Variants in AGO3 observed in about 807,000 individuals in gnomAD.
AGO3 encodes the protein argonaute RISC catalytic component 3.
In AGO3, 16 loss-of-function variants were observed where a neutral mutation model predicts 105.5. That is an observed-to-expected ratio of 0.15 (90% CI 0.10 to 0.23). The LOEUF is 0.23. Among genes scored for constraint, AGO3 ranks in the 10% least tolerant of loss-of-function variants. The pLI, the probability that AGO3 is intolerant of heterozygous loss-of-function variation, is 1.00. For missense variants in AGO3, 534 were observed against 1,088.0 expected, an observed-to-expected ratio of 0.49 and a Z score of 7.16; for synonymous variants, 340 against 367.3, an observed-to-expected ratio of 0.93 and a Z score of 0.85.
chr1:35,948,088 T>A (rs1158418616), intron 2 of AGO3, among the ~76,000 whole-genome samples: 1 of 151,624 alleles, frequency 6.6e-6, no homozygotes, highest in African/African-American at 2.4e-5. Context: ...TAAATAAAAA[T>A]AAAAAGGCAT....
chr1:35,969,173 C>G (rs1006793778), intron 3 of AGO3, among the ~76,000 whole-genome samples: 1 of 151,830 alleles, frequency 6.6e-6, no homozygotes, highest in Non-Finnish European at 1.5e-5. Context: ...CTAAACTGAT[C>G]AATACCATTG....
intron 5 of AGO3, among the ~76,000 whole-genome samples, chr1:35,990,257 C>T (rs1470975351): frequency 6.6e-6 from 1 of 152,036 alleles, no homozygotes; most frequent in African/African-American, 2.4e-5. Context: ...GCCTGTAATC[C>T]CAGCACTTTG....
Position 36,008,765 on chromosome 1 carries a change from C to T in AGO3, c.869C>T (p.Ala290Val), listed in dbSNP as rs1404521884. 1 of 1,614,044 alleles carries T rather than the reference C, an allele frequency of 6.2e-7. No homozygotes were observed. The highest frequency in any genetic ancestry group is 8.5e-7 in the Non-Finnish European group (1 of 1,180,006). ...GTTTGTAATGTAACAAGGAGGCCTG[C>T]CAGTCATCAAACGTAAGAAAAGTTT... ...YRVCNVTRRP[A>V]SHQTFPLQLE... Residue 290 changes from alanine (A) to valine (V), a missense_variant, in exon 7 of 19, where the codon GCC becomes GTC. By Grantham distance (64) the Ala-to-Val change is moderately conservative (BLOSUM62 0). Coordinates refer to ENST00000373191, the MANE Select transcript of AGO3 (RefSeq NM_024852.4). The surrounding 1 kb of genome is among the most constrained non-coding windows in gnomAD (Gnocchi z 5.1).
At chr1:35,996,540 G>A (rs1639825443) in intron 5 of AGO3, among the ~76,000 whole-genome samples, 1 of 152,010 alleles carries the variant, frequency 6.6e-6, no homozygotes, top group African/African-American at 2.4e-5. Flanking sequence ...GGAGGCCGAG[G>A]CGGGCAGATC....
chr1:35,978,648 G>A (rs1646995629), intron 5 of AGO3, among the ~76,000 whole-genome samples: 1 of 152,184 alleles, frequency 6.6e-6, no homozygotes, highest in East Asian at 1.9e-4. Context: ...ATTCTTTGAG[G>A]ATAGAGCAGC....
At chr1:35,997,674 G>A (rs1569694426) in intron 5 of AGO3, among the ~76,000 whole-genome samples, 1 of 152,100 alleles carries the variant, frequency 6.6e-6, no homozygotes, top group African/African-American at 2.4e-5. Context: ...ATGTAATCCC[G>A]TTTTAAGTCA....
At chr1:35,942,778 A>G (rs921461938) in intron 1 of AGO3, among the ~76,000 whole-genome samples, 7 of 152,292 alleles carry the variant, frequency 4.6e-5, no homozygotes, top group Admixed American at 1.3e-4. Context: ...ATTTTTGTGT[A>G]TAGTCAGTAG....
chr1:36,048,937 G>A (rs906183730), intron 17 of AGO3, among the ~76,000 whole-genome samples: 11 of 152,178 alleles, frequency 7.2e-5, no homozygotes, highest in Admixed American at 5.2e-4. Flanking sequence ...TGAATCCAGA[G>A]CTCAAGCAAT....
intron 5 of AGO3, among the ~76,000 whole-genome samples, chr1:36,003,708 AAATATATATATAT>A (rs1557678472): frequency 7.8e-6 from 1 of 127,610 alleles, no homozygotes; most frequent in African/African-American, 3.0e-5. Context: ...AAAAAAAAAA[AAATATATATATAT>A]ATATATATAT....
intron 5 of AGO3, among the ~76,000 whole-genome samples, chr1:35,976,089 C>T (rs1646952919): frequency 6.6e-6 from 1 of 152,022 alleles, no homozygotes; most frequent in Non-Finnish European, 1.5e-5. Context: ...GCATGCACCA[C>T]CACACCCAGC....
intron 11 of AGO3, among the ~76,000 whole-genome samples, chr1:36,020,606 C>G (rs1641164585): frequency 6.6e-6 from 1 of 151,814 alleles, no homozygotes; most frequent in Non-Finnish European, 1.5e-5. Flanking sequence ...AACTGCCATA[C>G]ATTTATTTAT....
intron 2 of AGO3, among the ~76,000 whole-genome samples, chr1:35,961,614 A>G (rs929648356): frequency 3.3e-5 from 5 of 151,900 alleles, no homozygotes; most frequent in African/African-American, 1.2e-4. Flanking sequence ...ACTTGGTTTG[A>G]TTTATTTTTA....
chr1:35,955,540 C>T (rs893094789), intron 2 of AGO3, among the ~76,000 whole-genome samples: 1 of 151,226 alleles, frequency 6.6e-6, no homozygotes, highest in Non-Finnish European at 1.5e-5. Context: ...ACTTGAACTA[C>T]AGAAAGTTGC....
At chr1:36,029,842 G>T (rs1641686596) in intron 12 of AGO3, among the ~76,000 whole-genome samples, 1 of 151,658 alleles carries the variant, frequency 6.6e-6, no homozygotes, top group African/African-American at 2.4e-5. Flanking sequence ...ATAGGCGCGT[G>T]CCACCATGCC....
Position 36,054,992 on chromosome 1 carries a change from G to C in AGO3, c.2321G>C (p.Cys774Ser). 1 of 1,614,180 alleles carries C rather than the reference G, an allele frequency of 6.2e-7. No individual in the cohort carries two copies. The highest frequency in any genetic ancestry group is 8.5e-7 in the Non-Finnish European group (1 of 1,180,042). Residue 774 changes from cysteine to serine, a missense_variant, in exon 18 of 19, where the codon TGC becomes TCC. Cys to Ser is a moderately radical substitution (Grantham distance 112). Around this residue, in one of 2 missense-constraint regions of AGO3, gnomAD observed 373 missense variants for 854.0 expected, o/e 0.44. Transcript: ENST00000373191. ...TATCATGTTTTATGGGATGATAACT[G>C]CTTTACTGCAGATGAACTTCAGCTG... ...SHYHVLWDDN[C>S]FTADELQLLT...
chr1:36,036,806 T>A (rs1235019909), intron 14 of AGO3, among the ~76,000 whole-genome samples: 1 of 152,196 alleles, frequency 6.6e-6, no homozygotes, highest in Non-Finnish European at 1.5e-5. Context: ...GCGATTATCC[T>A]GCCTCAGCCT....
intron 5 of AGO3, among the ~76,000 whole-genome samples, chr1:35,993,368 A>ATT (rs1463903268): frequency 2.0e-5 from 3 of 152,216 alleles, no homozygotes; most frequent in African/African-American, 7.2e-5. Context: ...AGGATTAATA[A>ATT]ACTCCTAGCA....
chr1:36,021,352 A>G (rs1641211100), intron 11 of AGO3, among the ~76,000 whole-genome samples: 1 of 152,208 alleles, frequency 6.6e-6, no homozygotes, highest in Non-Finnish European at 1.5e-5. Context: ...GACACAATTG[A>G]GAAGGAAATT....
At chr1:35,942,187 G>T (rs1646268451) in intron 1 of AGO3, among the ~76,000 whole-genome samples, 1 of 152,138 alleles carries the variant, frequency 6.6e-6, no homozygotes, top group African/African-American at 2.4e-5. Context: ...GATTCAGGCA[G>T]CATTTTAGTC....
Sources: gnomAD v4.1 joint callset for allele counts (sites outside exome capture counted in the v4.1 genomes callset) on GRCh38, gnomAD v4.1.1 for gene constraint, gnomAD v4.1.1 regional missense constraint, Gnocchi (gnomAD v3.1) non-coding constraint, MANE v1.5 for transcripts, NCBI Gene and HGNC (gene_info 2026-07-23, HGNC 2026-07-21) for gene names.